KYNU: variants seen among roughly 807,000 people sequenced by gnomAD.
KYNU encodes the protein L-kynurenine hydrolase.
A neutral mutation model predicts 59.2 loss-of-function variants in KYNU; 54 were observed. The observed-to-expected ratio is 0.91, with a 90% CI of 0.73 to 1.14. The LOEUF is 1.14. KYNU is among the 50% of genes most tolerant of loss of function. The pLI is 0.00. For synonymous variants in KYNU, 177 were observed against 192.0 expected (o/e 0.92, Z 0.65); for missense variants, 567 against 554.4 (o/e 1.02, Z -0.23).
intron 4 of KYNU, among the ~76,000 whole-genome samples, chr2:142,952,187 C>T (rs1402258053): frequency 2.0e-5 from 3 of 152,060 alleles, no homozygotes; most frequent in African/African-American, 4.8e-5. Context: ...AGCGATTCTC[C>T]AACTCAGCCT....
chr2:142,905,176 C>A (rs1290033875), intron 2 of KYNU, among the ~76,000 whole-genome samples: 8 of 152,074 alleles, frequency 5.3e-5, no homozygotes, highest in Admixed American at 5.2e-4. Context: ...CTTTTTGTTG[C>A]CCCAGATTAA....
In KYNU at chr2:142,990,394, A is replaced by G. The variant is rs1235708854; in HGVS notation, c.902+4373A>G. Among the ~76,000 whole-genome samples, 3 of 151,880 alleles carry G rather than the reference A, an allele frequency of 2.0e-5. No individual in the cohort carries two copies. In the East Asian group the frequency reaches 5.8e-4, roughly 29 times the overall value. ...AATGTTAACCCTCATGGCACACTTT[A>G]GAGGACTATTTAACCTTTCAACTTT... On this transcript the variant is annotated intron_variant, in intron 10 of 13. Transcript: ENST00000264170.
chr2:142,956,882 C>G (rs1240257800), intron 6 of KYNU, among the ~76,000 whole-genome samples: 29 of 152,108 alleles, frequency 1.9e-4, no homozygotes, highest in Admixed American at 1.9e-3. Context: ...GTGGCTCACT[C>G]CTGCTATCTC....
chr2:142,944,445 G>A (rs1683708729), intron 4 of KYNU, among the ~76,000 whole-genome samples: 1 of 152,128 alleles, frequency 6.6e-6, no homozygotes, highest in Non-Finnish European at 1.5e-5. Flanking sequence ...TAGAGCACTG[G>A]CTCACACTCA....
At chr2:142,986,927 T>G (rs1158196860) in intron 10 of KYNU, among the ~76,000 whole-genome samples, 1 of 151,856 alleles carries the variant, frequency 6.6e-6, no homozygotes, top group Non-Finnish European at 1.5e-5. Flanking sequence ...TGCATATAAA[T>G]CCTAGGAATT....
intron 2 of KYNU, among the ~76,000 whole-genome samples, chr2:142,897,110 A>G (rs561032629): frequency 6.6e-6 from 1 of 152,288 alleles, no homozygotes; most frequent in Admixed American, 6.5e-5. Context: ...GTTTAATTGT[A>G]TTGTGGTTAG....
chr2:142,968,640 G>A (rs117600298), intron 8 of KYNU, among the ~76,000 whole-genome samples: 2 of 152,294 alleles, frequency 1.3e-5, no homozygotes, highest in South Asian at 2.1e-4. Context: ...TTGCGTGGGC[G>A]CCGTAGCTCA....
chr2:142,998,283 A>C (rs370448343), intron 10 of KYNU, among the ~76,000 whole-genome samples: 2 of 152,216 alleles, frequency 1.3e-5, no homozygotes, highest in East Asian at 3.8e-4. Context: ...GATAATAGCT[A>C]CTTATAAACT....
chr2:142,932,760 G>A (rs1683267480), intron 4 of KYNU, among the ~76,000 whole-genome samples: 1 of 118,526 alleles, frequency 8.4e-6, no homozygotes, highest in East Asian at 3.0e-4. Context: ...AGTATGTGGG[G>A]GCGGGGGGCG....
intron 10 of KYNU, among the ~76,000 whole-genome samples, chr2:143,028,385 A>G (rs1686640453): frequency 6.7e-6 from 1 of 149,816 alleles, no homozygotes; most frequent in Admixed American, 6.6e-5. Context: ...CTGGGACTAC[A>G]GGTGTATGCC....
intron 7 of KYNU, among the ~76,000 whole-genome samples, chr2:142,959,231 T>G (rs1054527206): frequency 6.6e-6 from 1 of 152,152 alleles, no homozygotes; most frequent in Non-Finnish European, 1.5e-5. Flanking sequence ...CTTAATGAGC[T>G]TCCCCCAAAT....
intron 2 of KYNU, among the ~76,000 whole-genome samples, chr2:142,908,426 T>C (rs1286825684): frequency 6.6e-6 from 1 of 152,038 alleles, no homozygotes; most frequent in Non-Finnish European, 1.5e-5. Context: ...TTATTATTTG[T>C]TTTGTTTTTA....
At chr2:143,033,401 TG>T in intron 12 of KYNU, 80 bp downstream of exon 12, 1 of 987,096 alleles carries the variant, frequency 1.0e-6, no homozygotes, top group Non-Finnish European at 1.6e-6. Context: ...GTACTTTCTC[TG>T]CTACACAGCA....
chr2:142,937,581 G>A (rs1683434142), intron 4 of KYNU, among the ~76,000 whole-genome samples: 1 of 152,192 alleles, frequency 6.6e-6, no homozygotes, highest in African/African-American at 2.4e-5. Context: ...GCCAGAGTAG[G>A]TTCACAGACT....
Position 143,033,289 on chromosome 2 carries a change from T to A in KYNU, c.1009T>A (p.Leu337Met). ...ATTCCGAATTTCAAATCCTCCCATT[T>A]TGTTGGTCTGTTCCTTGCATGCTAG... Reference protein sequence around the residue: ...CGFRISNPPILLVCSLHASLE... With the variant: ...CGFRISNPPIMLVCSLHASLE... The change falls in exon 12 of 14, where the codon TTG becomes ATG. Residue 337 changes from leucine to methionine, a missense_variant. Transcript: ENST00000264170. 6.2e-7 allele frequency: 1 copy of A among 1,613,902 alleles called. No homozygotes were observed. The highest frequency in any genetic ancestry group is 8.5e-7 in the Non-Finnish European group (1 of 1,179,726).
intron 4 of KYNU, among the ~76,000 whole-genome samples, chr2:142,935,080 A>G (rs1018375370): frequency 4.6e-5 from 7 of 152,206 alleles, no homozygotes; most frequent in African/African-American, 1.7e-4. Context: ...TTTGAAGGCT[A>G]AATTAAGAAG....
intron 2 of KYNU, among the ~76,000 whole-genome samples, chr2:142,906,484 A>G (rs1682302236): frequency 6.6e-6 from 1 of 152,196 alleles, no homozygotes; most frequent in East Asian, 1.9e-4. Context: ...TGCCCATGTC[A>G]AAAGTTATAT....
Position 143,046,702 on chromosome 2 carries a change from A to C in KYNU, c.*4530A>C, listed in dbSNP as rs1217120967. On this transcript the variant is annotated 3_prime_UTR_variant, in exon 14 of 14. Transcript: ENST00000264170. ...TTACTACAACATAGCAGGGCCTGGC[A>C]TCTGCTAGATTAAATCTCTCAGCTT... 6.6e-6 allele frequency: 1 copy of C among 152,074 alleles called. No individual in the cohort carries two copies. The highest frequency in any genetic ancestry group is 1.5e-5 in the Non-Finnish European group (1 of 68,012). The allele number at this position is 152,074 out of a possible 1,614,324, so 9.4% of individuals were successfully genotyped here.
intron 10 of KYNU, among the ~76,000 whole-genome samples, chr2:142,992,418 CTTAA>C (rs1183124571): frequency 5.3e-5 from 8 of 151,726 alleles, no homozygotes; most frequent in African/African-American, 1.2e-4. Flanking sequence ...TATCCTTATT[CTTAA>C]TTATTAGAAT....
Sources: allele counts gnomAD v4.1 joint callset (sites outside exome capture counted in the v4.1 genomes callset), GRCh38; gene constraint gnomAD v4.1.1; transcripts MANE v1.5; gene names NCBI Gene and HGNC (gene_info 2026-07-23, HGNC 2026-07-21).